Variants in LCORL observed in about 807,000 individuals in gnomAD.
The protein encoded by LCORL is ligand-dependent nuclear receptor corepressor-like protein.
Under a neutral mutation model 141.8 loss-of-function variants are expected in LCORL, and 41 were observed. The ratio of observed to expected loss-of-function variants is 0.29; its 90% confidence interval spans 0.23 to 0.38. The LOEUF is 0.38. Ranked by LOEUF, LCORL falls within the 10% of genes least tolerant of loss-of-function variation. The probability of loss-of-function intolerance (pLI) is 1.00; values close to 1 mark genes in which losing one functional copy is unlikely to be tolerated. For missense variants in LCORL, 1,759 were observed against 2,035.0 expected (o/e 0.86, Z 2.61); for synonymous variants, 618 against 694.1 (o/e 0.89, Z 1.72).
At chr4:17,946,508 G>T (rs1355375202) in intron 4 of LCORL, among the ~76,000 whole-genome samples, 1 of 151,854 alleles carries the variant, frequency 6.6e-6, no homozygotes, top group Non-Finnish European at 1.5e-5. Context: ...TTATGTCACA[G>T]ACTTAAATTC....
intron 6 of LCORL, chr4:17,883,259 G>C (rs1014016086): frequency 1.0e-6 from 1 of 985,816 alleles, no homozygotes; most frequent in Non-Finnish European, 1.2e-6. Flanking sequence ...TTGGTTGCTT[G>C]ACATACATAC....
At chr4:17,903,237 A>T (rs1731139481) in intron 5 of LCORL, among the ~76,000 whole-genome samples, 1 of 152,088 alleles carries the variant, frequency 6.6e-6, no homozygotes, top group South Asian at 2.1e-4. Context: ...AGGCAGATAA[A>T]CATGCAAACA....
intron 6 of LCORL, among the ~76,000 whole-genome samples, chr4:17,878,694 A>G (rs545150994): frequency 7.8e-4 from 118 of 151,476 alleles, no homozygotes; most frequent in African/African-American, 2.7e-3. Context: ...CCATAATCAC[A>G]AGGAAAATTA....
At chr4:17,989,456 A>G (rs1719591295) in intron 1 of LCORL, among the ~76,000 whole-genome samples, 1 of 152,226 alleles carries the variant, frequency 6.6e-6, no homozygotes, top group Admixed American at 6.5e-5. Context: ...CAATGACACC[A>G]AAGTAAGTTT....
intron 5 of LCORL, among the ~76,000 whole-genome samples, chr4:17,896,222 A>AT (rs994127855): frequency 5.3e-5 from 8 of 152,112 alleles, no homozygotes; most frequent in Admixed American, 2.6e-4. Flanking sequence ...GATTCTAGCC[A>AT]TCCCTAGTGG....
rs571270869 is a variant in LCORL at position 17,982,143 on chromosome 4, T to C, written c.155-9258A>G. ...GTGTGTGTGTGTGTGTGTGTGTGTG[T>C]GTATACAAGATATTTTCTTTATCCA... On this transcript the variant is annotated intron_variant, in intron 1 of 7. Coordinates refer to ENST00000635767, the Ensembl canonical transcript of LCORL. Among the ~76,000 whole-genome samples, 441 of 144,728 alleles carry C rather than the reference T, an allele frequency of 3.0e-3. 3 individuals carry two copies. Among genetic ancestry groups the C allele is most frequent in the African/African-American group, 0.011 (421 of 39,262 alleles). 94.9% of individuals were successfully genotyped at this position (144,728 alleles called of 152,430 possible).
intron 4 of LCORL, among the ~76,000 whole-genome samples, chr4:17,946,437 A>C (rs1738890569): frequency 6.6e-6 from 1 of 152,050 alleles, no homozygotes; most frequent in African/African-American, 2.4e-5. Flanking sequence ...TAAAATATAT[A>C]ATTTAGTAAA....
At position 18,008,599 on chromosome 4, in the gene LCORL, G is replaced by T. The variant is rs575514485; in HGVS notation, c.154+12999C>A. On this transcript the variant is annotated intron_variant, in intron 1 of 7. Transcript: ENST00000635767. Reference sequence around the variant, plus strand: ...TGGGCAAGTCACTTAGCCTCTCTAAGCCTGAATTTTCTCATTTGTAAAATG... The same window carrying T: ...TGGGCAAGTCACTTAGCCTCTCTAATCCTGAATTTTCTCATTTGTAAAATG... 1.2e-4 allele frequency among the ~76,000 whole-genome samples: 18 copies of T among 152,226 alleles called. No individual in the cohort carries two copies. The South Asian group carries it at 2.5e-3, about 21-fold the overall frequency.
At chr4:18,003,248 G>A (rs1722260668) in intron 1 of LCORL, among the ~76,000 whole-genome samples, 1 of 152,176 alleles carries the variant, frequency 6.6e-6, no homozygotes, top group Admixed American at 6.5e-5. Context: ...AATAAAAGGA[G>A]AAGACAGGAA....
intron 6 of LCORL, among the ~76,000 whole-genome samples, chr4:17,879,527 C>A (rs1390750854): frequency 6.6e-6 from 1 of 151,020 alleles, no homozygotes; most frequent in Non-Finnish European, 1.5e-5. Context: ...GAAGATAGGA[C>A]ATGACCCCAG....
chr4:17,992,144 T>C (rs1050354676), intron 1 of LCORL, among the ~76,000 whole-genome samples: 10 of 152,246 alleles, frequency 6.6e-5, no homozygotes, highest in African/African-American at 1.4e-4. Context: ...AGAGGGTTAA[T>C]TGACTCACAG....
intron 4 of LCORL, chr4:17,912,932 G>A: frequency 4.3e-6 from 2 of 468,960 alleles, no homozygotes; most frequent in South Asian, 1.8e-5. Context: ...ATAGTGGATG[G>A]CAAAGTGGTG....
rs1255070051 is a variant in LCORL, at chr4:17,897,237, T to C, written c.683-11076A>G. Among the ~76,000 whole-genome samples the C allele has an allele frequency of 1.3e-4, 18 of 133,858 alleles. 3 individuals are homozygous for C. The highest frequency in any genetic ancestry group is 9.7e-4 in the Admixed American group (13 of 13,336). 87.8% of individuals were successfully genotyped at this position (133,858 alleles called of 152,430 possible). A position where few individuals can be genotyped will look rare whatever the true frequency, so the allele number is the denominator to read the frequency against. ...TCTTTTTTTTTTTTTTTTTTTTTTT[T>C]TTTTTTTTTTTTTTAGGGTATATAC... On this transcript the variant is annotated intron_variant, in intron 5 of 7. Coordinates refer to ENST00000635767, the Ensembl canonical transcript of LCORL.
rs190310042 is a variant in LCORL, at chr4:17,860,446, A to G, written c.5602+12942T>C. Among the ~76,000 whole-genome samples the G allele has an allele frequency of 3.6e-3, 552 of 152,288 alleles. 8 individuals carry two copies. The highest frequency in any genetic ancestry group is 6.3e-3 in the Non-Finnish European group (428 of 68,020). On this transcript the variant is annotated intron_variant, in intron 7 of 7. Transcript: ENST00000635767. ...CAGATTTTGTGAGACTTACTATCACAAGAAGAGCATGTGAAAGACCTGCCC... is the reference window on the plus strand; with the variant it reads ...CAGATTTTGTGAGACTTACTATCACGAGAAGAGCATGTGAAAGACCTGCCC...
At chr4:17,997,162 A>G (rs1721041512) in intron 1 of LCORL, among the ~76,000 whole-genome samples, 1 of 152,156 alleles carries the variant, frequency 6.6e-6, no homozygotes, top group Non-Finnish European at 1.5e-5. Context: ...CAATTACCTA[A>G]CCACACTAAA....
At chr4:17,961,255 C>T (rs997046457) in intron 4 of LCORL, among the ~76,000 whole-genome samples, 1 of 151,974 alleles carries the variant, frequency 6.6e-6, no homozygotes, top group East Asian at 1.9e-4. Flanking sequence ...AAGAACAAAA[C>T]ATGAAAGGTC....
In LCORL at chr4:18,011,756, C is replaced by A. The variant is rs564437206; in HGVS notation, c.154+9842G>T. ...TTTATGTCTTTCTTTTGGACTACAA[C>A]AGTGGAGGTGAGTAGCTGCAATAGA... On this transcript the variant is annotated intron_variant, in intron 1 of 7. Coordinates refer to ENST00000635767, the Ensembl canonical transcript of LCORL. 1.8e-4 allele frequency among the ~76,000 whole-genome samples: 27 copies of A among 152,268 alleles called. No homozygotes were observed. In the East Asian group the frequency reaches 4.1e-3, roughly 23 times the overall value.
intron 6 of LCORL, among the ~76,000 whole-genome samples, chr4:17,878,522 C>A (rs545779730): frequency 6.6e-6 from 1 of 151,218 alleles, no homozygotes; most frequent in Non-Finnish European, 1.5e-5. Context: ...ATGGAAAGTG[C>A]TTCAGAAGGA....
intron 1 of LCORL, among the ~76,000 whole-genome samples, chr4:17,991,672 G>A (rs769899506): frequency 3.3e-5 from 5 of 152,032 alleles, no homozygotes; most frequent in Non-Finnish European, 5.9e-5. Context: ...CACATATCCA[G>A]ATCTCTGGTA....
Sources: allele counts gnomAD v4.1 joint callset (sites outside exome capture counted in the v4.1 genomes callset), GRCh38; gene constraint gnomAD v4.1.1; transcripts MANE v1.5; gene names NCBI Gene and HGNC (gene_info 2026-07-23, HGNC 2026-07-21).